Variants in FAM177A1 observed in about 807,000 individuals in gnomAD.
FAM177A1 encodes the protein protein FAM177A1.
Under a neutral mutation model 26.1 loss-of-function variants are expected in FAM177A1, and 22 were observed. The ratio of observed to expected loss-of-function variants is 0.84; its 90% CI spans 0.60 to 1.20. The LOEUF (loss-of-function observed/expected upper bound fraction) is 1.20. Ranked by LOEUF, FAM177A1 falls within the 50% of genes most tolerant of loss-of-function variation. FAM177A1 has a pLI of 0.00. For missense variants in FAM177A1, 296 were observed against 291.1 expected, an observed-to-expected ratio of 1.02 and a Z score of -0.12; for synonymous variants, 95 against 99.3, an observed-to-expected ratio of 0.96 and a Z score of 0.26.
In FAM177A1 at chr14:35,047,779, CAACAAAAAA is replaced by C. The variant is rs1201587639; in HGVS notation, c.165+1154_165+1162del. 1.3e-4 allele frequency among the ~76,000 whole-genome samples: 7 copies of C among 52,034 alleles called. No individual in the cohort carries two copies. In the South Asian group the frequency reaches 2.0e-3, roughly 15 times the overall value. 34.1% of individuals were successfully genotyped at this position (52,034 alleles called of 152,430 possible). Reference sequence around the variant, plus strand: ...GCAACAACAACAACAACAACAACAACAACAAAAAAAAAACCCTTGAGTTGCTCATGTATG... The same window carrying C: ...GCAACAACAACAACAACAACAACAACAAAACCCTTGAGTTGCTCATGTATG... On this transcript the variant is annotated intron_variant, in intron 1 of 4. Coordinates refer to ENST00000280987, the MANE Select transcript of FAM177A1 (RefSeq NM_173607.5).
chr14:35,057,389 C>CT lies in FAM177A1; in HGVS notation c.339+3949dup, dbSNP rs35602346. Among the ~76,000 whole-genome samples, 510 of 147,088 alleles carry CT rather than the reference C, an allele frequency of 3.5e-3. 3 individuals are homozygous for CT. Among genetic ancestry groups the CT allele is most frequent in the Non-Finnish European group, 5.5e-3 (366 of 66,282 alleles). On this transcript the variant is annotated intron_variant, in intron 2 of 4. Transcript: ENST00000280987. ...CATAAGTTTTTGTATGTTATACCTT[C>CT]TTTTTTTTTTTGAGACGGAGTCTCA...
At chr14:35,060,633 G>T (rs1416890723) in intron 2 of FAM177A1, among the ~76,000 whole-genome samples, 1 of 152,102 alleles carries the variant, frequency 6.6e-6, no homozygotes, top group African/African-American at 2.4e-5. Context: ...TTTAGTGACT[G>T]CTGTGTTCTT....
chr14:35,074,924 C>A (rs2045372721), intron 2 of FAM177A1, among the ~76,000 whole-genome samples: 2 of 151,982 alleles, frequency 1.3e-5, no homozygotes, highest in Admixed American at 6.6e-5. Flanking sequence ...GTAATCCCAG[C>A]TACTCGTGAG....
chr14:35,077,465 GTTCTTTT>G (rs2045414049), intron 3 of FAM177A1, among the ~76,000 whole-genome samples: 1 of 123,304 alleles, frequency 8.1e-6, no homozygotes, highest in Non-Finnish European at 1.7e-5. Context: ...TGGTTTTCAA[GTTCTTTT>G]TTTTTTTTTT....
At chr14:35,069,853 C>T (rs914710188) in intron 2 of FAM177A1, among the ~76,000 whole-genome samples, 2 of 151,592 alleles carry the variant, frequency 1.3e-5, no homozygotes, top group African/African-American at 2.4e-5. Flanking sequence ...CGTGGTGGCT[C>T]ACACCTGTAA....
chr14:35,055,852 T>G (rs1007334996), intron 2 of FAM177A1, among the ~76,000 whole-genome samples: 1 of 152,162 alleles, frequency 6.6e-6, no homozygotes, highest in Non-Finnish European at 1.5e-5. Context: ...ACTATGTGTC[T>G]TTTTATTTTT....
Position 35,046,384 on chromosome 14 carries a change from G to C in FAM177A1, c.-80G>C. On this transcript the variant is annotated 5_prime_UTR_variant, in exon 1 of 5. Coordinates refer to ENST00000280987, the MANE Select transcript of FAM177A1 (RefSeq NM_173607.5). ...CCTTCTCAGAGACTTGGCTAGGCGC[G>C]GCGCGAGGCGGGCGCTGGGCGGGTG... The C allele has an allele frequency of 7.6e-7, 1 of 1,318,552 alleles. No homozygotes were observed. The highest frequency in any genetic ancestry group is 9.8e-7 in the Non-Finnish European group (1 of 1,022,222). The allele number at this position is 1,318,552 out of a possible 1,614,324, so 81.7% of individuals were successfully genotyped here.
At chr14:35,065,863 T>G (rs2045233518) in intron 2 of FAM177A1, among the ~76,000 whole-genome samples, 1 of 151,850 alleles carries the variant, frequency 6.6e-6, no homozygotes, top group Non-Finnish European at 1.5e-5. Flanking sequence ...AGCTAATTTT[T>G]GTGTTTTTAG....
intron 2 of FAM177A1, among the ~76,000 whole-genome samples, chr14:35,057,048 A>G (rs1161618033): frequency 6.6e-6 from 1 of 151,994 alleles, no homozygotes; most frequent in African/African-American, 2.4e-5. Flanking sequence ...TCTGTTCTCT[A>G]TTAATTTCTG....
chr14:35,068,978 A>C (rs2045278164), intron 2 of FAM177A1, among the ~76,000 whole-genome samples: 1 of 152,210 alleles, frequency 6.6e-6, no homozygotes, highest in South Asian at 2.1e-4. Flanking sequence ...GTCATGGCAT[A>C]ATCACTGCTC....
intron 2 of FAM177A1, among the ~76,000 whole-genome samples, chr14:35,074,916 A>G (rs769319274): frequency 5.3e-5 from 8 of 151,988 alleles, no homozygotes; most frequent in Non-Finnish European, 1.2e-4. Context: ...GCACGTCTGT[A>G]ATCCCAGCTA....
chr14:35,070,419 T>G (rs1225315204), intron 2 of FAM177A1, among the ~76,000 whole-genome samples: 2 of 151,902 alleles, frequency 1.3e-5, no homozygotes, highest in Admixed American at 1.3e-4. Context: ...AACCTCAGCC[T>G]CCCGGATTCA....
At chr14:35,056,346 A>AT (rs1160015810) in intron 2 of FAM177A1, among the ~76,000 whole-genome samples, 2 of 148,884 alleles carry the variant, frequency 1.3e-5, no homozygotes, top group African/African-American at 5.0e-5. Flanking sequence ...ACTATTTTTT[A>AT]TTTTTTATTT....
At chr14:35,077,266 C>T (rs1466819737) in intron 3 of FAM177A1, 50 bp downstream of exon 3, 1 of 1,529,758 alleles carries the variant, frequency 6.5e-7, no homozygotes, top group Non-Finnish European at 9.1e-7. Context: ...CATGCTTCAG[C>T]AACAGGAACT....
chr14:35,048,305 C>T (rs966051254), intron 1 of FAM177A1, among the ~76,000 whole-genome samples: 2 of 152,078 alleles, frequency 1.3e-5, no homozygotes, highest in African/African-American at 2.4e-5. Flanking sequence ...AGTAAACACA[C>T]GTGTACTTAT....
At chr14:35,047,163 G>A in intron 1 of FAM177A1, 4 of 281,146 alleles carry the variant, frequency 1.4e-5, no homozygotes, top group Non-Finnish European at 2.2e-5. Context: ...AATGCAAGCT[G>A]CATTGAAAAT....
At chr14:35,063,792 C>T (rs754134798) in intron 2 of FAM177A1, among the ~76,000 whole-genome samples, 7 of 151,964 alleles carry the variant, frequency 4.6e-5, no homozygotes, top group Admixed American at 1.3e-4. Context: ...GTAATCCCAG[C>T]ACTTTGGGAG....
At chr14:35,048,184 CACTTA>C (rs1204778474) in intron 1 of FAM177A1, among the ~76,000 whole-genome samples, 1 of 152,186 alleles carries the variant, frequency 6.6e-6, no homozygotes, top group Non-Finnish European at 1.5e-5. Context: ...AGTGCACTTA[CACTTA>C]ACCTTTGAGT....
At chr14:35,069,195 T>C (rs1444996493) in intron 2 of FAM177A1, among the ~76,000 whole-genome samples, 1 of 151,982 alleles carries the variant, frequency 6.6e-6, no homozygotes, top group African/African-American at 2.4e-5. Context: ...TGTGTATAGC[T>C]AAATCTCACC....
Sources: gnomAD v4.1 joint callset for allele counts (sites outside exome capture counted in the v4.1 genomes callset) on GRCh38, gnomAD v4.1.1 for gene constraint, MANE v1.5 for transcripts, NCBI Gene and HGNC (gene_info 2026-07-23, HGNC 2026-07-21) for gene names.